The following ANAPC10 variants were observed in gnomAD, a reference collection of about 807,000 sequenced individuals.
The protein encoded by ANAPC10 is anaphase promoting complex subunit 10, also known as anaphase-promoting complex subunit 10.
ANAPC10 carries 12 observed loss-of-function variants against 22.0 expected under a neutral mutation model. That is an observed-to-expected ratio of 0.55 (90% CI 0.35 to 0.88). The LOEUF (loss-of-function observed/expected upper bound fraction) is 0.88, where lower values mean the gene tolerates loss of function less well. Ranked by LOEUF, ANAPC10 falls within the 40% of genes least tolerant of loss-of-function variation. The probability of loss-of-function intolerance (pLI) is 0.01; values close to 1 mark genes in which losing one functional copy is unlikely to be tolerated. For missense variants in ANAPC10, 188 were observed against 220.9 expected, an observed-to-expected ratio of 0.85 and a Z score of 0.94; for synonymous variants, 65 against 69.5, an observed-to-expected ratio of 0.94 and a Z score of 0.32.
rs998431272 is a variant in ANAPC10, at chr4:144,995,307, A to G, written c.*66T>C. ...CGGATGCCTTGTTCAATAAAGGTACATGATATATTATTTAAATACAGGATA... is the reference window on the plus strand; with the variant it reads ...CGGATGCCTTGTTCAATAAAGGTACGTGATATATTATTTAAATACAGGATA... On this transcript the variant is annotated 3_prime_UTR_variant, in exon 5 of 5. Coordinates refer to ENST00000507656, the MANE Select transcript of ANAPC10 (RefSeq NM_001256706.2). 5.3e-5 allele frequency: 53 copies of G among 1,008,668 alleles called. 1 individual carries two copies. In the Middle Eastern group the frequency reaches 9.3e-4, roughly 18 times the overall value. The allele number at this position is 1,008,668 out of a possible 1,614,324, so 62.5% of individuals were successfully genotyped here.
chr4:145,012,867 A>C (rs931150080), intron 4 of ANAPC10, among the ~76,000 whole-genome samples: 1 of 152,132 alleles, frequency 6.6e-6, no homozygotes, highest in Non-Finnish European at 1.5e-5. Flanking sequence ...GTAATCCCCA[A>C]TGATGGAGGG....
At chr4:145,095,792 A>G (rs543558955) in intron 2 of ANAPC10, among the ~76,000 whole-genome samples, 193 bp downstream of exon 2, 1 of 152,340 alleles carries the variant, frequency 6.6e-6, no homozygotes, top group South Asian at 2.1e-4. Context: ...CCTAATTTAT[A>G]AATTACACTT....
intron 4 of ANAPC10, among the ~76,000 whole-genome samples, chr4:145,011,728 C>G (rs955203035): frequency 4.6e-5 from 7 of 152,128 alleles, no homozygotes; most frequent in African/African-American, 1.7e-4. Context: ...TCAAGGGCTT[C>G]AAATACATGG....
chr4:144,997,861 C>A lies in ANAPC10; in HGVS notation c.328-2258G>T, dbSNP rs1448893919. On this transcript the variant is annotated intron_variant, in intron 4 of 4. Coordinates refer to ENST00000507656, the MANE Select transcript of ANAPC10 (RefSeq NM_001256706.2). The stretch of plus-strand genomic sequence containing the variant: ...ATCTCACGTGCAGAGACACACACAG[C>A]CTCAAAATAAAGGGATGGAGGAAGA... Among the ~76,000 whole-genome samples, 4 of 152,042 alleles carry A rather than the reference C, an allele frequency of 2.6e-5. No homozygotes were observed. The East Asian group carries it at 7.7e-4, about 29-fold the overall frequency.
In ANAPC10 at chr4:145,092,149, A is replaced by C. The variant is rs141543507; in HGVS notation, c.115+3836T>G. Reference sequence around the variant, plus strand: ...ATGGACACAGGGAGGGGAACATCACACACTAGGGCCTGTCAGGATGGGGTA... The same window carrying C: ...ATGGACACAGGGAGGGGAACATCACCCACTAGGGCCTGTCAGGATGGGGTA... On this transcript the variant is annotated intron_variant, in intron 2 of 4. Coordinates refer to ENST00000507656, the MANE Select transcript of ANAPC10 (RefSeq NM_001256706.2). Among the ~76,000 whole-genome samples, 5 of 152,214 alleles carry C rather than the reference A, an allele frequency of 3.3e-5. No individual in the cohort carries two copies. The East Asian group carries it at 9.7e-4, about 29-fold the overall frequency.
Position 144,995,126 on chromosome 4 carries a change from A to C in ANAPC10, c.*247T>G. On this transcript the variant is annotated 3_prime_UTR_variant, in exon 5 of 5. Coordinates refer to ENST00000507656, the MANE Select transcript of ANAPC10 (RefSeq NM_001256706.2). Reference sequence around the variant, plus strand: ...ACAAGGAACTCTTTTCTTTTGATACAAGGGAAAATAAAATGATTGGCTTCA... The same window carrying C: ...ACAAGGAACTCTTTTCTTTTGATACCAGGGAAAATAAAATGATTGGCTTCA... 1 of 271,250 alleles carries C rather than the reference A, an allele frequency of 3.7e-6. No homozygotes were observed. Among genetic ancestry groups the C allele is most frequent in the East Asian group, 7.2e-5 (1 of 13,934 alleles). 16.8% of individuals were successfully genotyped at this position (271,250 alleles called of 1,614,324 possible). A position where few individuals can be genotyped will look rare whatever the true frequency, so the allele number is the denominator to read the frequency against.
intron 1 of ANAPC10, chr4:145,097,571 C>G (rs1391300896): frequency 7.8e-7 from 1 of 1,280,826 alleles, no homozygotes; most frequent in Non-Finnish European, 1.0e-6. Context: ...TACTAAATAA[C>G]GGCAGACACA....
At chr4:144,995,859 T>C (rs1184922683) in intron 4 of ANAPC10, among the ~76,000 whole-genome samples, 1 of 152,220 alleles carries the variant, frequency 6.6e-6, no homozygotes, top group East Asian at 1.9e-4. Flanking sequence ...GTACAATTTA[T>C]ACAACTTGTA....
At chr4:144,996,137 G>A (rs1731573660) in intron 4 of ANAPC10, among the ~76,000 whole-genome samples, 1 of 152,180 alleles carries the variant, frequency 6.6e-6, no homozygotes, top group South Asian at 2.1e-4. Flanking sequence ...TCACAGCCAG[G>A]AGAGGCTCCT....
rs34898759 is a variant in ANAPC10, at chr4:145,080,862, A to T, written c.206+798T>A. On this transcript the variant is annotated intron_variant, in intron 3 of 4. Transcript: ENST00000507656. ...GCGGAGGTTGCAGTAACCCGAGATCACGCCACTGCACTCCAGCCCGGGCAA... is the reference window on the plus strand; with the variant it reads ...GCGGAGGTTGCAGTAACCCGAGATCTCGCCACTGCACTCCAGCCCGGGCAA... 4.4e-3 allele frequency among the ~76,000 whole-genome samples: 645 copies of T among 147,024 alleles called. 3 individuals are homozygous for T. Among genetic ancestry groups the T allele is most frequent in the African/African-American group, 0.015 (591 of 39,828 alleles).
intron 4 of ANAPC10, among the ~76,000 whole-genome samples, chr4:145,029,533 G>GT (rs1737237534): frequency 6.6e-6 from 1 of 152,176 alleles, no homozygotes; most frequent in Non-Finnish European, 1.5e-5. Context: ...GATATTAAAG[G>GT]TATGGATAAT....
Position 145,088,379 on chromosome 4 carries a change from C to A in ANAPC10, c.116-6629G>T, listed in dbSNP as rs189911759. Among the ~76,000 whole-genome samples the A allele has an allele frequency of 2.4e-3, 362 of 152,228 alleles. 1 individual carries two copies. Among genetic ancestry groups the A allele is most frequent in the African/African-American group, 8.5e-3 (352 of 41,532 alleles). ...CCCAGCCTCTACAGTCAATTGCTTA[C>A]TAAACATTTCAACTAGAAAAATAGG... On this transcript the variant is annotated intron_variant, in intron 2 of 4. Transcript: ENST00000507656.
intron 4 of ANAPC10, among the ~76,000 whole-genome samples, chr4:145,030,017 C>A (rs1242143070): frequency 1.3e-5 from 2 of 152,176 alleles, no homozygotes; most frequent in Admixed American, 1.3e-4. Flanking sequence ...TAAGTGGCAG[C>A]ACTCAATCAT....
intron 4 of ANAPC10, among the ~76,000 whole-genome samples, chr4:145,028,476 A>G (rs1737070557): frequency 6.6e-6 from 1 of 152,058 alleles, no homozygotes; most frequent in Non-Finnish European, 1.5e-5. Context: ...TATCATATAT[A>G]TACATATCTC....
intron 4 of ANAPC10, among the ~76,000 whole-genome samples, chr4:145,061,873 C>G (rs565548116): frequency 6.6e-6 from 1 of 151,862 alleles, no homozygotes; most frequent in African/African-American, 2.4e-5. Context: ...TTTGGGAGGC[C>G]GAGGTGGATA....
chr4:145,074,768 A>G (rs574679385), intron 3 of ANAPC10, among the ~76,000 whole-genome samples: 2 of 152,172 alleles, frequency 1.3e-5, no homozygotes, highest in Non-Finnish European at 2.9e-5. Flanking sequence ...AACTATTACT[A>G]TCAAGCAGTT....
intron 3 of ANAPC10, among the ~76,000 whole-genome samples, chr4:145,080,203 A>C (rs1367195438): frequency 1.3e-5 from 2 of 151,978 alleles, no homozygotes; most frequent in Non-Finnish European, 2.9e-5. Context: ...CTTGAGGTGA[A>C]GGAAAGGAAG....
At chr4:145,041,736 C>T (rs1440421447) in intron 4 of ANAPC10, among the ~76,000 whole-genome samples, 1 of 152,154 alleles carries the variant, frequency 6.6e-6, no homozygotes, top group African/African-American at 2.4e-5. Flanking sequence ...GATCTATTGA[C>T]TAAAATTTAA....
At chr4:145,004,997 T>C (rs942197376) in intron 4 of ANAPC10, among the ~76,000 whole-genome samples, 1 of 152,206 alleles carries the variant, frequency 6.6e-6, no homozygotes, top group African/African-American at 2.4e-5. Context: ...AGGCTTTTTA[T>C]TACTGATTCA....
Sources: gnomAD v4.1 joint callset for allele counts (sites outside exome capture counted in the v4.1 genomes callset) on GRCh38, gnomAD v4.1.1 for gene constraint, MANE v1.5 for transcripts, NCBI Gene and HGNC (gene_info 2026-07-23, HGNC 2026-07-21) for gene names.